Variants in ERAP1 observed in about 807,000 individuals in gnomAD.
ERAP1 encodes the protein adipocyte-derived leucine aminopeptidase.
In ERAP1, 86 loss-of-function variants were observed where a neutral mutation model predicts 103.7. The ratio of observed to expected loss-of-function variants is 0.83; its 90% CI spans 0.70 to 0.99. ERAP1 has a LOEUF of 0.99. Ranked by LOEUF, ERAP1 falls within the 50% of genes least tolerant of loss-of-function variation. The pLI is 0.00. For synonymous variants in ERAP1, 398 were observed against 402.4 expected (o/e 0.99, Z 0.13); for missense variants, 1,009 against 1,128.4 (o/e 0.89, Z 1.52).
chr5:96,831,057 T>C, the ERAP1 span, among the ~76,000 whole-genome samples: 3 of 152,172 alleles, frequency 2.0e-5, no homozygotes, highest in South Asian at 6.2e-4. Context: ...TGGGTATTTA[T>C]AAAGAAAAAT....
the ERAP1 span, chr5:96,892,380 T>C: frequency 6.2e-7 from 1 of 1,613,962 alleles, no homozygotes. Flanking sequence ...TCACTGCTTT[T>C]TGACCCCAAG....
At chr5:96,821,567 A>T in the ERAP1 span, among the ~76,000 whole-genome samples, 2 of 152,164 alleles carry the variant, frequency 1.3e-5, no homozygotes, top group Non-Finnish European at 2.9e-5. Context: ...TTTATCTATG[A>T]CCAGGTACTG....
the ERAP1 span, among the ~76,000 whole-genome samples, chr5:96,840,943 A>G: frequency 6.6e-5 from 10 of 152,120 alleles, no homozygotes; most frequent in Non-Finnish European, 1.2e-4. Flanking sequence ...TGACCTCGTG[A>G]TCCGCCTGCC....
chr5:96,832,627 T>C, the ERAP1 span, among the ~76,000 whole-genome samples: 2 of 152,262 alleles, frequency 1.3e-5, no homozygotes, highest in Non-Finnish European at 2.9e-5. Context: ...TGTTATTTTA[T>C]GACTTTTATC....
chr5:96,925,719 G>A, the ERAP1 span, among the ~76,000 whole-genome samples: 378 of 152,190 alleles, frequency 2.5e-3, 1 homozygote, highest in Non-Finnish European at 4.7e-3. Flanking sequence ...TTTCTAGTAG[G>A]CTTAGGGTTC....
chr5:96,915,811 C>T, the ERAP1 span: 2 of 1,440,764 alleles, frequency 1.4e-6, no homozygotes, highest in Middle Eastern at 1.8e-4. Context: ...AATAAATGTT[C>T]AAATTGTGGA....
chr5:96,848,009 A>AG, the ERAP1 span, among the ~76,000 whole-genome samples: 7,264 of 152,076 alleles, frequency 0.048, 215 homozygotes, highest in South Asian at 0.11. Context: ...GAAAAACAAA[A>AG]AAAAAATCAG....
intron 3 of ERAP1, among the ~76,000 whole-genome samples, chr5:96,800,044 T>C (rs766054309): frequency 1.3e-5 from 2 of 152,204 alleles, no homozygotes; most frequent in African/African-American, 4.8e-5. Flanking sequence ...ACAAAGCTGT[T>C]CTTCCCTCAG....
At chr5:96,924,787 G>A in the ERAP1 span, among the ~76,000 whole-genome samples, 4,898 of 152,078 alleles carry the variant, frequency 0.032, 149 homozygotes, top group South Asian at 0.089. Flanking sequence ...TAGTAGCGAC[G>A]GGATTTCACC....
chr5:96,908,858 A>T, the ERAP1 span: 1 of 1,205,682 alleles, frequency 8.3e-7, no homozygotes. Context: ...AGCTATAATG[A>T]CCTACTTCTG....
chr5:96,922,034 C>T, the ERAP1 span, among the ~76,000 whole-genome samples: 2 of 151,262 alleles, frequency 1.3e-5, no homozygotes, highest in African/African-American at 4.9e-5. Context: ...CGCGGTGGCT[C>T]ACGCCTGTAA....
the ERAP1 span, among the ~76,000 whole-genome samples, chr5:96,922,316 C>A: frequency 1.1e-4 from 16 of 151,748 alleles, no homozygotes; most frequent in East Asian, 3.1e-3. Flanking sequence ...AAAACAAAAA[C>A]AAAAAAAACT....
At chr5:96,780,111 G>T (rs1774936662) in intron 18 of ERAP1, among the ~76,000 whole-genome samples, 2 of 152,178 alleles carry the variant, frequency 1.3e-5, no homozygotes, top group South Asian at 4.1e-4. Flanking sequence ...GACCACTTCA[G>T]TCATTTATAC....
chr5:96,840,712 CTTT>C, the ERAP1 span, among the ~76,000 whole-genome samples: 1 of 140,686 alleles, frequency 7.1e-6, no homozygotes. Context: ...TTCTTTTTTT[CTTT>C]TTTTTTTTTG....
At chr5:96,822,736 T>C in the ERAP1 span, among the ~76,000 whole-genome samples, 2 of 152,130 alleles carry the variant, frequency 1.3e-5, no homozygotes, top group African/African-American at 4.8e-5. Flanking sequence ...ACATTGCTGA[T>C]AAAGACATAC....
chr5:96,793,652 G>A lies in ERAP1; in HGVS notation c.1075-139C>T, dbSNP rs567203080. 2.4e-4 allele frequency: 258 copies of A among 1,061,048 alleles called. 1 individual carries two copies. In the South Asian group the frequency reaches 3.5e-3, roughly 15 times the overall value. 65.7% of individuals were successfully genotyped at this position (1,061,048 alleles called of 1,614,324 possible). A position where few individuals can be genotyped will look rare whatever the true frequency, so the allele number is the denominator to read the frequency against. On this transcript the variant is annotated intron_variant, in intron 6 of 18. Transcript: ENST00000443439. ...GGTAAAAATAAAAAAAGTTCAACAT[G>A]CATTATAAGACATAAAAACGAATGC...
intron 3 of ERAP1, among the ~76,000 whole-genome samples, chr5:96,800,351 C>T (rs895015343): frequency 6.6e-6 from 1 of 152,192 alleles, no homozygotes; most frequent in Non-Finnish European, 1.5e-5. Flanking sequence ...TTACCTTCAG[C>T]ACCATAATAT....
At chr5:96,926,843 G>T in the ERAP1 span, among the ~76,000 whole-genome samples, 1 of 152,002 alleles carries the variant, frequency 6.6e-6, no homozygotes, top group Non-Finnish European at 1.5e-5. Context: ...TCAAGACAGG[G>T]TCTTACTCTG....
chr5:96,772,949 G>C (rs754181493), downstream of ERAP1: 4 of 153,830 alleles, frequency 2.6e-5, no homozygotes, highest in Admixed American at 1.3e-4. Flanking sequence ...GAAAAGCTAA[G>C]TGAATTTTTG....
Sources: gnomAD v4.1 joint callset for allele counts (sites outside exome capture counted in the v4.1 genomes callset) on GRCh38, gnomAD v4.1.1 for gene constraint, MANE v1.5 for transcripts, NCBI Gene and HGNC (gene_info 2026-07-23, HGNC 2026-07-21) for gene names.